Variants in PCDHGA1 observed in about 807,000 individuals in gnomAD.
PCDHGA1 encodes protocadherin gamma-A1.
In PCDHGA1, 32 loss-of-function variants were observed where a neutral mutation model predicts 58.0. That is an observed-to-expected ratio of 0.55 (90% CI 0.42 to 0.74). PCDHGA1 has a LOEUF of 0.74. Among genes scored for constraint, PCDHGA1 ranks in the 30% least tolerant of loss-of-function variants. The probability of loss-of-function intolerance (pLI) is 0.00; values close to 1 mark genes in which losing one functional copy is unlikely to be tolerated. For synonymous variants in PCDHGA1, 498 were observed against 501.1 expected, an observed-to-expected ratio of 0.99 and a Z score of 0.08; for missense variants, 1,205 against 1,182.3, an observed-to-expected ratio of 1.02 and a Z score of -0.28.
At chr5:141,415,014 C>G (rs747951360) in intron 1 of PCDHGA1, 1 of 1,613,502 alleles carries the variant, frequency 6.2e-7, no homozygotes, top group African/African-American at 1.3e-5. Flanking sequence ...ACCGTCTGCT[C>G]AAGGCCAGCG....
At position 141,493,061 on chromosome 5, in the gene PCDHGA1, C is replaced by G. The variant is rs1386090478; in HGVS notation, c.2422-1746C>G. On this transcript the variant is annotated intron_variant, in intron 1 of 3. Transcript: ENST00000517417. The surrounding 1 kb of genome is among the most constrained non-coding windows in gnomAD (Gnocchi z 4.3). The stretch of plus-strand genomic sequence containing the variant: ...GAGGAAACTACAATAGTAAAAAACA[C>G]AAGTTTCTCCAACTCCAGGAGCTTT... Among the ~76,000 whole-genome samples the G allele has an allele frequency of 6.6e-6, 1 of 152,228 alleles. No individual in the cohort carries two copies. Among genetic ancestry groups the G allele is most frequent in the African/African-American group, 2.4e-5 (1 of 41,446 alleles).
At chr5:141,417,602 C>G in intron 1 of PCDHGA1, 1 of 510,170 alleles carries the variant, frequency 2.0e-6, no homozygotes, top group Middle Eastern at 5.2e-4. Context: ...TGGGCGCCGC[C>G]GTCGGCCAGT....
At chr5:141,419,227 C>G in intron 1 of PCDHGA1, 1 of 1,614,024 alleles carries the variant, frequency 6.2e-7, no homozygotes, top group South Asian at 1.1e-5. Flanking sequence ...GACAGTCAGC[C>G]TACCTGGTCC....
At position 141,383,772 on chromosome 5, in the gene PCDHGA1, G is replaced by A. The variant is rs187406135; in HGVS notation, c.2421+50667G>A. The A allele has an allele frequency of 1.7e-5, 27 of 1,613,982 alleles. No homozygotes were observed. Among genetic ancestry groups the A allele is most frequent in the Admixed American group, 8.3e-5 (5 of 60,026 alleles). ...AAATAACTCCTAAACTTCCAAAGAT[G>A]TTTCATCTGAACTCGCTTACAGGAG... is the stretch of plus-strand genomic sequence containing the variant. On this transcript the variant is annotated intron_variant, in intron 1 of 3. Transcript: ENST00000517417.
intron 1 of PCDHGA1, among the ~76,000 whole-genome samples, chr5:141,464,261 T>TC (rs2099079163): frequency 1.5e-5 from 2 of 137,096 alleles, no homozygotes; most frequent in African/African-American, 2.9e-5. Flanking sequence ...CGAGACTCCG[T>TC]CTAAAAAAAA....
In PCDHGA1 at chr5:141,432,973, G is replaced by T. The variant is rs150572360; in HGVS notation, c.2422-61834G>T. The T allele has an allele frequency of 3.7e-6, 6 of 1,614,096 alleles. 1 individual carries two copies. The highest frequency in any genetic ancestry group is 1.7e-5 in the Admixed American group (1 of 60,014). Reference sequence around the variant, plus strand: ...GCGGCTTGACAGGAGCGCCGGCGTCGCACTTTGTGGGCGTGGACGGGGTGC... The same window carrying T: ...GCGGCTTGACAGGAGCGCCGGCGTCTCACTTTGTGGGCGTGGACGGGGTGC... On this transcript the variant is annotated intron_variant, in intron 1 of 3. Coordinates refer to ENST00000517417, the MANE Select transcript of PCDHGA1 (RefSeq NM_018912.3). This position sits in a 1 kb window ranked among gnomAD's most constrained non-coding sequence, Gnocchi z 6.0.
chr5:141,404,886 C>T (rs1248535405), intron 1 of PCDHGA1: 2 of 1,613,906 alleles, frequency 1.2e-6, no homozygotes, highest in South Asian at 1.1e-5. Context: ...CTTGTGGTGG[C>T]TGTACAGGAC....
In PCDHGA1 at chr5:141,332,636, A is replaced by G. The variant is rs942414598; in HGVS notation, c.1952A>G (p.Gln651Arg). ...GTGGTGGCCGTCCAGGACCACGGCC[A>G]GCCCCCGCTCTCCGCCACTGTCACG... is the stretch of plus-strand genomic sequence containing the variant. ...SLVVAVQDHG[Q>R]PPLSATVTLT... The change falls in exon 1 of 4, where the codon CAG becomes CGG. Residue 651 changes from glutamine (Q) to arginine (R), a missense_variant. Gln to Arg is a conservative substitution (Grantham distance 43). Transcript: ENST00000517417. The surrounding 1 kb of genome is among the most constrained non-coding windows in gnomAD (Gnocchi z 4.6). 24 of 1,612,714 alleles carry G rather than the reference A, an allele frequency of 1.5e-5. No individual in the cohort carries two copies. The highest frequency in any genetic ancestry group is 1.9e-5 in the Non-Finnish European group (22 of 1,179,776).
intron 1 of PCDHGA1, chr5:141,393,221 AG>A (rs1394795238): frequency 1.2e-6 from 2 of 1,613,690 alleles, no homozygotes; most frequent in South Asian, 2.2e-5. Flanking sequence ...TCCAGGTCGA[AG>A]ATCTAGAAGT....
intron 1 of PCDHGA1, among the ~76,000 whole-genome samples, chr5:141,401,288 G>A (rs973425272): frequency 1.3e-5 from 2 of 152,094 alleles, no homozygotes; most frequent in Non-Finnish European, 2.9e-5. Flanking sequence ...GTTGCGGTGA[G>A]CCGAGATCAC....
Position 141,350,398 on chromosome 5 carries a change from G to T in PCDHGA1, c.2421+17293G>T, listed in dbSNP as rs1056572833. ...AGCTAGCCAACGGCTCACGGGTGGG[G>T]AAACTTGCCAAGGATCTGGGGCTCA... On this transcript the variant is annotated intron_variant, in intron 1 of 3. Transcript: ENST00000517417. 16 of 1,599,976 alleles carry T rather than the reference G, an allele frequency of 1.0e-5. No individual in the cohort carries two copies. In the Admixed American group the frequency reaches 1.9e-4, roughly 19 times the overall value.
chr5:141,504,836 C>A (rs550489904), intron 2 of PCDHGA1, among the ~76,000 whole-genome samples: 2 of 152,200 alleles, frequency 1.3e-5, no homozygotes, highest in East Asian at 3.9e-4. Context: ...TTTTCTCTAG[C>A]TCTGGAACAT....
chr5:141,358,387 G>T (rs1447702123), intron 1 of PCDHGA1, among the ~76,000 whole-genome samples: 1 of 152,144 alleles, frequency 6.6e-6, no homozygotes, highest in East Asian at 1.9e-4. Flanking sequence ...ACCATGCTTT[G>T]CTTGAAGTTT....
intron 1 of PCDHGA1, among the ~76,000 whole-genome samples, chr5:141,447,413 C>T (rs1279399546): frequency 6.6e-6 from 1 of 152,204 alleles, no homozygotes; most frequent in Non-Finnish European, 1.5e-5. Flanking sequence ...GCTGGGATTA[C>T]AGGCGTGAGC....
chr5:141,433,571 C>T lies in PCDHGA1; in HGVS notation c.2422-61236C>T, dbSNP rs2097625242. ...TCTTTTCTGGCTGGGCGCGGTGGCT[C>T]ACGCCTGTAATCCCAGTACTTTGGG... On this transcript the variant is annotated intron_variant, in intron 1 of 3. Coordinates refer to ENST00000517417, the MANE Select transcript of PCDHGA1 (RefSeq NM_018912.3). 3.9e-5 allele frequency among the ~76,000 whole-genome samples: 6 copies of T among 152,228 alleles called. No homozygotes were observed. The South Asian group carries it at 1.2e-3, about 32-fold the overall frequency.
At chr5:141,426,937 C>T in intron 1 of PCDHGA1, 1 of 456,736 alleles carries the variant, frequency 2.2e-6, no homozygotes, top group Non-Finnish European at 4.4e-6. Flanking sequence ...ATGGGTGACC[C>T]AGTCCCAACT....
At chr5:141,500,729 C>T (rs1434863449) in intron 2 of PCDHGA1, among the ~76,000 whole-genome samples, 2 of 152,130 alleles carry the variant, frequency 1.3e-5, no homozygotes, top group Non-Finnish European at 2.9e-5. Flanking sequence ...CCATGTCTTT[C>T]AAAATTCTTC....
chr5:141,457,708 T>C (rs1160977721), intron 1 of PCDHGA1, among the ~76,000 whole-genome samples: 1 of 152,260 alleles, frequency 6.6e-6, no homozygotes, highest in Admixed American at 6.5e-5. Context: ...GATGAAACAC[T>C]GTTCCACAAG....
chr5:141,490,808 A>C lies in PCDHGA1; in HGVS notation c.2422-3999A>C. On this transcript the variant is annotated intron_variant, in intron 1 of 3. Coordinates refer to ENST00000517417, the MANE Select transcript of PCDHGA1 (RefSeq NM_018912.3). The surrounding 1 kb of genome is among the most constrained non-coding windows in gnomAD (Gnocchi z 5.4). The stretch of plus-strand genomic sequence containing the variant: ...CGGATCTTTGCCCAGCGTACCTTTG[A>C]CTATGAATTGCTGCAGATGCTGCAG... 1 of 1,613,884 alleles carries C rather than the reference A, an allele frequency of 6.2e-7. No homozygotes were observed. The highest frequency in any genetic ancestry group is 8.5e-7 in the Non-Finnish European group (1 of 1,179,874).
Sources: allele counts gnomAD v4.1 joint callset (sites outside exome capture counted in the v4.1 genomes callset), GRCh38; gene constraint gnomAD v4.1.1; non-coding constraint Gnocchi (gnomAD v3.1); transcripts MANE v1.5; gene names NCBI Gene and HGNC (gene_info 2026-07-23, HGNC 2026-07-21).